Variants in KIAA1217 observed in about 807,000 individuals in gnomAD.
The protein encoded by KIAA1217 is sickle tail protein homolog.
KIAA1217 carries 88 observed loss-of-function variants against 163.9 expected under a neutral mutation model. The ratio of observed to expected loss-of-function variants is 0.54; its 90% CI spans 0.45 to 0.64. The LOEUF (loss-of-function observed/expected upper bound fraction) is 0.64. Among genes scored for constraint, KIAA1217 ranks in the 30% least tolerant of loss-of-function variants. The pLI, the probability that KIAA1217 is intolerant of heterozygous loss-of-function variation, is 0.00. For synonymous variants in KIAA1217, 903 were observed against 923.1 expected (o/e 0.98, Z 0.39); for missense variants, 2,372 against 2,475.0 (o/e 0.96, Z 0.88).
intron 2 of KIAA1217, among the ~76,000 whole-genome samples, chr10:24,098,724 CGTGTGTGTGTGTGT>C (rs10524680): frequency 7.2e-6 from 1 of 139,278 alleles, no homozygotes. Flanking sequence ...TGAAGGGGAG[CGTGTGTGTGTGTGT>C]GTGTGTGTGT....
Position 24,473,516 on chromosome 10 carries a change from A to T in KIAA1217, c.1135A>T (p.Met379Leu), listed in dbSNP as rs754183744. 3.1e-6 allele frequency: 5 copies of T among 1,614,176 alleles called. No homozygotes were observed. The stretch of plus-strand genomic sequence containing the variant: ...AAGAGATGTCAAGCCTGATGAAGAC[A>T]TGAGTGGCAAAAACATTGCAATGTA... Reference protein sequence around the residue: ...ERRDVKPDEDMSGKNIAMYRN... With the variant: ...ERRDVKPDEDLSGKNIAMYRN... The change falls in exon 6 of 21, where the codon ATG becomes TTG. Residue 379 changes from methionine to leucine, a missense_variant. This residue lies in a region of KIAA1217 where 1,431 missense variants were observed against 1,470.3 expected (regional missense o/e 0.97). Transcript: ENST00000376454.
At chr10:23,797,711 A>G (rs1349826376) in intron 1 of KIAA1217, among the ~76,000 whole-genome samples, 2 of 152,190 alleles carry the variant, frequency 1.3e-5, no homozygotes, top group East Asian at 1.9e-4. Context: ...CTCACTCACT[A>G]TCATGAAAAC....
At chr10:24,327,830 T>C (rs1376177281) in intron 2 of KIAA1217, among the ~76,000 whole-genome samples, 1 of 152,174 alleles carries the variant, frequency 6.6e-6, no homozygotes, top group East Asian at 1.9e-4. Context: ...TTAAGTAGCC[T>C]GACTGTGATC....
At chr10:23,999,870 G>C (rs1250337594) in intron 1 of KIAA1217, among the ~76,000 whole-genome samples, 2 of 151,950 alleles carry the variant, frequency 1.3e-5, no homozygotes, top group Admixed American at 6.6e-5. Flanking sequence ...GACCAGACTA[G>C]ACAACATAGC....
chr10:24,209,105 G>A (rs1033088633), upstream of KIAA1217: 6 of 1,090,260 alleles, frequency 5.5e-6, no homozygotes, highest in Middle Eastern at 2.8e-4. Context: ...CCCCAGCCCC[G>A]GGCCCCCTCC....
chr10:24,484,371 A>C (rs2133412056), intron 6 of KIAA1217, among the ~76,000 whole-genome samples: 1 of 149,074 alleles, frequency 6.7e-6, no homozygotes, highest in East Asian at 2.0e-4. Flanking sequence ...CAGCCTCCCA[A>C]GTAGCTGGTA....
chr10:23,698,469 A>G (rs1008170764), intron 1 of KIAA1217, among the ~76,000 whole-genome samples: 4 of 152,218 alleles, frequency 2.6e-5, no homozygotes, highest in African/African-American at 9.7e-5. Flanking sequence ...GCACTGTTAG[A>G]TCAAATGACA....
chr10:24,233,722 A>G (rs963571804), intron 2 of KIAA1217, among the ~76,000 whole-genome samples: 2 of 152,218 alleles, frequency 1.3e-5, no homozygotes, highest in Admixed American at 6.5e-5. Flanking sequence ...TATTGCATAG[A>G]TATTCATGGA....
chr10:24,343,790 T>G (rs865867737), intron 2 of KIAA1217, among the ~76,000 whole-genome samples: 6 of 152,220 alleles, frequency 3.9e-5, no homozygotes, highest in Admixed American at 6.5e-5. Flanking sequence ...GATCTAGCTT[T>G]CTTTCTTTTG....
intron 7 of KIAA1217, chr10:24,494,873 C>CA: frequency 1.7e-6 from 1 of 574,424 alleles, no homozygotes; most frequent in Non-Finnish European, 3.1e-6. Context: ...ATGGACCACT[C>CA]ACCGTGCAGT....
chr10:24,283,903 TCC>T, intron 2 of KIAA1217, among the ~76,000 whole-genome samples: 1 of 131,290 alleles, frequency 7.6e-6, no homozygotes, highest in African/African-American at 2.7e-5. Flanking sequence ...TCTTTTCTTT[TCC>T]TTTATTTTTT....
intron 2 of KIAA1217, among the ~76,000 whole-genome samples, chr10:24,350,721 T>A (rs1296915401): frequency 5.9e-5 from 9 of 152,058 alleles, no homozygotes; most frequent in African/African-American, 1.5e-4. Flanking sequence ...AGTCTACAAG[T>A]AAGTCTCGAG....
chr10:23,817,994 T>TACAC lies in KIAA1217; in HGVS notation c.-321+122761_-321+122762insCACA, dbSNP rs1192292634. On this transcript the variant is annotated intron_variant, in intron 1 of 18. Coordinates refer to the KIAA1217 transcript ENST00000376462. ...ATATATATATATATATATATATATA[T>TACAC]ATATATATATATATACACACATATA... Among the ~76,000 whole-genome samples, 51 of 116,872 alleles carry TACAC rather than the reference T, an allele frequency of 4.4e-4. 2 individuals are homozygous for TACAC. The East Asian group carries it at 7.2e-3, about 17-fold the overall frequency. The allele number at this position is 116,872 out of a possible 152,430, so 76.7% of individuals were successfully genotyped here.
intron 1 of KIAA1217, among the ~76,000 whole-genome samples, chr10:23,924,367 G>A (rs1842949767): frequency 6.6e-6 from 1 of 152,090 alleles, no homozygotes; most frequent in Non-Finnish European, 1.5e-5. Flanking sequence ...AAATGAAAAA[G>A]TCTAATCATG....
chr10:24,476,808 A>G (rs1288266564), intron 6 of KIAA1217, among the ~76,000 whole-genome samples: 4 of 152,062 alleles, frequency 2.6e-5, no homozygotes, highest in Admixed American at 2.0e-4. Flanking sequence ...ACCTGCACAT[A>G]GACACACAGA....
intron 1 of KIAA1217, among the ~76,000 whole-genome samples, chr10:23,873,841 G>A (rs1205304706): frequency 6.6e-6 from 1 of 151,984 alleles, no homozygotes; most frequent in Non-Finnish European, 1.5e-5. Context: ...CAGTACACAT[G>A]TAGCACGACA....
At chr10:24,466,751 C>T (rs2062990468) in intron 5 of KIAA1217, 1 of 985,438 alleles carries the variant, frequency 1.0e-6, no homozygotes, top group Non-Finnish European at 1.2e-6. Flanking sequence ...AATGTGCTTA[C>T]TCACGGCGTT....
In KIAA1217 at chr10:24,524,278, G is replaced by A. The variant is rs2071757811; in HGVS notation, c.2457-45G>A. 3 of 1,565,950 alleles carry A rather than the reference G, an allele frequency of 1.9e-6. No individual in the cohort carries two copies. In the South Asian group the frequency reaches 3.5e-5, roughly 18 times the overall value. On this transcript the variant is annotated intron_variant, in intron 12 of 20. Transcript: ENST00000376454. ...ATAGCCTGCAAGTATACCACCATGA[G>A]AAAGTGACATGAGGGTTAATGCCGC...
intron 1 of KIAA1217, among the ~76,000 whole-genome samples, chr10:23,946,194 T>A (rs1350583787): frequency 6.6e-6 from 1 of 151,284 alleles, no homozygotes; most frequent in African/African-American, 2.4e-5. Context: ...TCTGGCAGCT[T>A]CCTAGACTTC....
Sources: allele counts gnomAD v4.1 joint callset (sites outside exome capture counted in the v4.1 genomes callset), GRCh38; gene constraint gnomAD v4.1.1; regional missense constraint gnomAD v4.1.1; transcripts MANE v1.5; gene names NCBI Gene and HGNC (gene_info 2026-07-23, HGNC 2026-07-21).